INSIG2: variants seen among roughly 807,000 people sequenced by gnomAD.
The protein encoded by INSIG2 is insulin-induced gene 2 protein.
Under a neutral mutation model 27.2 loss-of-function variants are expected in INSIG2, and 10 were observed. The observed-to-expected ratio is 0.37, with a 90% confidence interval of 0.23 to 0.62. The LOEUF is 0.62. Among genes scored for constraint, INSIG2 ranks in the 20% least tolerant of loss-of-function variants. INSIG2 has a pLI of 0.65. For missense variants in INSIG2, 178 were observed against 270.2 expected (o/e 0.66, Z 2.39); for synonymous variants, 97 against 95.8 (o/e 1.01, Z -0.07).
chr2:118,094,588 A>G (rs1278135006), intron 1 of INSIG2, among the ~76,000 whole-genome samples: 2 of 152,312 alleles, frequency 1.3e-5, no homozygotes, highest in East Asian at 3.9e-4. Context: ...CCTTTAAGCC[A>G]TAGAGTTCAA....
chr2:118,092,025 A>G (rs1678244193), intron 1 of INSIG2, among the ~76,000 whole-genome samples: 1 of 152,218 alleles, frequency 6.6e-6, no homozygotes, highest in South Asian at 2.1e-4. Flanking sequence ...GCCCTTTGAC[A>G]AATGCTGGTC....
In INSIG2 at chr2:118,100,614, G is replaced by A. The variant is rs546437204; in HGVS notation, c.245-2583G>A. Among the ~76,000 whole-genome samples, 10 of 151,936 alleles carry A rather than the reference G, an allele frequency of 6.6e-5. No homozygotes were observed. The South Asian group carries it at 2.1e-3, about 32-fold the overall frequency. On this transcript the variant is annotated intron_variant, in intron 2 of 5. Transcript: ENST00000245787. ...GGGCTGGTCTCAAACTCCTGACCTC[G>A]CGATTCGCCTGCCTCGGCCTCTCAA...
At chr2:118,105,345 T>C (rs1678648569) in intron 3 of INSIG2, among the ~76,000 whole-genome samples, 2 of 152,304 alleles carry the variant, frequency 1.3e-5, no homozygotes, top group East Asian at 3.9e-4. Context: ...CTGGCCCATA[T>C]GGCACTATTT....
Position 118,096,656 on chromosome 2 carries a change from G to A in INSIG2, c.100G>A (p.Val34Met), listed in dbSNP as rs781017559. ...TGTGAACTTGATGATTCGAGGAGTA[G>A]TGCTATTTTTTATTGGAGTATTTCT... ...QSVNLMIRGV[V>M]LFFIGVFLAL... The change falls in exon 2 of 6, where the codon GTG (valine) becomes ATG (methionine). Residue 34 changes from valine (V) to methionine (M), a missense_variant. Physicochemically the swap from Val to Met is conservative, Grantham distance 21. Coordinates refer to ENST00000245787, the MANE Select transcript of INSIG2 (RefSeq NM_016133.4). 2 of 1,614,020 alleles carry A rather than the reference G, an allele frequency of 1.2e-6. No homozygotes were observed. The highest frequency in any genetic ancestry group is 4.5e-5 in the East Asian group (2 of 44,870).
intron 1 of INSIG2, among the ~76,000 whole-genome samples, chr2:118,094,590 A>G (rs1573570139): frequency 6.6e-6 from 1 of 152,348 alleles, no homozygotes; most frequent in East Asian, 1.9e-4. Context: ...TTTAAGCCAT[A>G]GAGTTCAATT....
Position 118,108,554 on chromosome 2 carries a change from G to T in INSIG2, c.*232G>T. Reference sequence around the variant, plus strand: ...CTTTACATATTTGACTTAAATAACTGTAAGATATATATGTACTACATTAAA... The same window carrying T: ...CTTTACATATTTGACTTAAATAACTTTAAGATATATATGTACTACATTAAA... On this transcript the variant is annotated 3_prime_UTR_variant, in exon 6 of 6. Transcript: ENST00000245787. The T allele has an allele frequency of 5.1e-6, 2 of 391,998 alleles. No homozygotes were observed. The highest frequency in any genetic ancestry group is 9.2e-5 in the South Asian group (2 of 21,640). The allele number at this position is 391,998 out of a possible 1,614,324, so 24.3% of individuals were successfully genotyped here. A position where few individuals can be genotyped will look rare whatever the true frequency, so the allele number is the denominator to read the frequency against.
intron 1 of INSIG2, among the ~76,000 whole-genome samples, chr2:118,091,947 T>A (rs193163496): frequency 6.6e-6 from 1 of 152,318 alleles, no homozygotes; most frequent in Non-Finnish European, 1.5e-5. Context: ...GAGCCAGGGA[T>A]GCTAAATGTT....
chr2:118,098,089 T>C (rs1365695930), intron 2 of INSIG2, among the ~76,000 whole-genome samples: 1 of 152,228 alleles, frequency 6.6e-6, no homozygotes, highest in Non-Finnish European at 1.5e-5. Flanking sequence ...AAAAAACAAA[T>C]TAAATTGTAT....
intron 2 of INSIG2, among the ~76,000 whole-genome samples, 173 bp downstream of exon 2, chr2:118,096,973 G>A (rs1349268733): frequency 1.3e-5 from 2 of 152,194 alleles, no homozygotes; most frequent in Non-Finnish European, 2.9e-5. Flanking sequence ...AGGCAAATGC[G>A]TACAGTCACA....
At chr2:118,095,210 G>A (rs1193724868) in intron 1 of INSIG2, among the ~76,000 whole-genome samples, 1 of 152,234 alleles carries the variant, frequency 6.6e-6, no homozygotes, top group Non-Finnish European at 1.5e-5. Context: ...ATTTATGAAA[G>A]TGCCAAAGAT....
rs764572574 is a variant in INSIG2 at position 118,096,777 on chromosome 2, C to T, written c.221C>T (p.Pro74Leu). 1.9e-6 allele frequency: 3 copies of T among 1,613,516 alleles called. No individual in the cohort carries two copies. The East Asian group carries it at 6.7e-5, about 36-fold the overall frequency. Reference sequence around the variant, plus strand: ...ATCTTTTCTTCTGCATGGTGGGTACCCCCATGCTGTGGCACGGCTTCAGGT... The same window carrying T: ...ATCTTTTCTTCTGCATGGTGGGTACTCCCATGCTGTGGCACGGCTTCAGGT... The part of the protein sequence containing the change: ...ASIFSSAWWV[P>L]PCCGTASAVI... The change falls in exon 2 of 6, where the codon CCC becomes CTC. Residue 74 changes from proline to leucine, a missense_variant. Pro to Leu is a moderately conservative substitution (Grantham distance 98). Transcript: ENST00000245787.
Position 118,109,492 on chromosome 2 carries a change from A to G in INSIG2, c.*1170A>G, listed in dbSNP as rs1469539092. ...TCTTAATGGCAACCAGCACCTCTTA[A>G]GTATGGTTTAAACATATTCTTAGCT... On this transcript the variant is annotated 3_prime_UTR_variant, in exon 6 of 6. Coordinates refer to ENST00000245787, the MANE Select transcript of INSIG2 (RefSeq NM_016133.4). The G allele has an allele frequency of 6.6e-6, 1 of 152,272 alleles. No individual in the cohort carries two copies. The highest frequency in any genetic ancestry group is 1.5e-5 in the Non-Finnish European group (1 of 68,032). 9.4% of individuals were successfully genotyped at this position (152,272 alleles called of 1,614,324 possible). A position where few individuals can be genotyped will look rare whatever the true frequency, so the allele number is the denominator to read the frequency against.
intron 1 of INSIG2, among the ~76,000 whole-genome samples, chr2:118,090,084 A>T (rs1483493799): frequency 6.6e-6 from 1 of 152,152 alleles, no homozygotes; most frequent in Non-Finnish European, 1.5e-5. Flanking sequence ...TGTTGCATTG[A>T]TTTAAGTCTG....
chr2:118,098,594 G>GT (rs1432259155), intron 2 of INSIG2, among the ~76,000 whole-genome samples: 3 of 152,220 alleles, frequency 2.0e-5, no homozygotes, highest in Non-Finnish European at 4.4e-5. Flanking sequence ...TCCCTGGCGT[G>GT]TGTTGTGCAT....
intron 1 of INSIG2, among the ~76,000 whole-genome samples, chr2:118,090,050 GTTTT>G (rs1327713155): frequency 2.0e-5 from 3 of 152,136 alleles, no homozygotes; most frequent in Non-Finnish European, 4.4e-5. Flanking sequence ...ATGTAGATGT[GTTTT>G]TATTTAGGGA....
At chr2:118,101,142 T>C (rs1678535505) in intron 2 of INSIG2, among the ~76,000 whole-genome samples, 1 of 152,172 alleles carries the variant, frequency 6.6e-6, no homozygotes, top group Non-Finnish European at 1.5e-5. Context: ...TGTTGAGCTC[T>C]CAAACAGTGG....
intron 1 of INSIG2, among the ~76,000 whole-genome samples, chr2:118,095,175 T>A (rs1046891938): frequency 6.6e-6 from 1 of 152,250 alleles, no homozygotes; most frequent in Non-Finnish European, 1.5e-5. Flanking sequence ...GCTTTTGGAT[T>A]GAAGGAAATA....
chr2:118,096,589 C>A lies in INSIG2; in HGVS notation c.33C>A (p.Pro11=), dbSNP rs761063692. MAEGETESPG[P]KKCGPYISSV... is the part of the protein sequence containing the mutation. The stretch of plus-strand genomic sequence containing the variant: ...AAGGAGAGACAGAGTCACCTGGGCC[C>A]AAAAAGTGTGGCCCATATATTTCAT... The change falls in exon 2 of 6, where the codon CCC becomes CCA. Residue 11 remains proline, a synonymous_variant. Coordinates refer to ENST00000245787, the MANE Select transcript of INSIG2 (RefSeq NM_016133.4). 5 of 1,613,592 alleles carry A rather than the reference C, an allele frequency of 3.1e-6. No homozygotes were observed. Among genetic ancestry groups the A allele is most frequent in the Non-Finnish European group, 3.4e-6 (4 of 1,179,742 alleles).
chr2:118,091,815 CAT>C (rs1422747660), intron 1 of INSIG2, among the ~76,000 whole-genome samples: 2 of 152,232 alleles, frequency 1.3e-5, no homozygotes, highest in East Asian at 1.9e-4. Flanking sequence ...TGGTAGAAAA[CAT>C]AAATAAACAG....
Sources: gnomAD v4.1 joint callset for allele counts (sites outside exome capture counted in the v4.1 genomes callset) on GRCh38, gnomAD v4.1.1 for gene constraint, MANE v1.5 for transcripts, NCBI Gene and HGNC (gene_info 2026-07-23, HGNC 2026-07-21) for gene names.